The following PRELID2 variants were observed in gnomAD, a reference collection of about 807,000 sequenced individuals.
The protein encoded by PRELID2 is PRELI domain-containing protein 2.
Under a neutral mutation model 28.4 loss-of-function variants are expected in PRELID2, and 25 were observed. That is an observed-to-expected ratio of 0.88 (90% CI 0.64 to 1.23). The LOEUF is 1.23. Among genes scored for constraint, PRELID2 ranks in the 50% most tolerant of loss-of-function variants. The pLI is 0.00. For missense variants in PRELID2, 201 were observed against 214.4 expected, an observed-to-expected ratio of 0.94 and a Z score of 0.39; for synonymous variants, 76 against 71.6, an observed-to-expected ratio of 1.06 and a Z score of -0.31.
chr5:145,229,207 G>C, the PRELID2 span: 44 of 819,456 alleles, frequency 5.4e-5, no homozygotes, highest in South Asian at 5.7e-4. Flanking sequence ...GAGCTCATCT[G>C]CTACTCGCTG....
intron 1 of PRELID2, among the ~76,000 whole-genome samples, chr5:145,740,625 TATTATATATATAAATATATATATTTTA>T (rs1756655078): frequency 8.1e-5 from 1 of 12,392 alleles, no homozygotes; most frequent in African/African-American, 1.3e-4. Flanking sequence ...AATATATATA[TATTATATATATAAATATATATATTTTA>T]TATATAAATA....
chr5:145,448,816 C>T, the PRELID2 span, among the ~76,000 whole-genome samples: 1 of 152,098 alleles, frequency 6.6e-6, no homozygotes, highest in Non-Finnish European at 1.5e-5. Context: ...TGTCAAGGGT[C>T]ATAGTAACTT....
At chr5:145,723,951 T>TA (rs1756059998) in intron 1 of PRELID2, among the ~76,000 whole-genome samples, 1 of 152,140 alleles carries the variant, frequency 6.6e-6, no homozygotes, top group Non-Finnish European at 1.5e-5. Flanking sequence ...TAAATATCTA[T>TA]ATATAAAAGA....
At chr5:145,747,218 C>G (rs1454900661) in intron 1 of PRELID2, among the ~76,000 whole-genome samples, 1 of 148,468 alleles carries the variant, frequency 6.7e-6, no homozygotes, top group African/African-American at 2.5e-5. Context: ...CATCAAAAAC[C>G]CTCTAAAAAA....
chr5:145,380,126 T>C, the PRELID2 span, among the ~76,000 whole-genome samples: 3 of 152,148 alleles, frequency 2.0e-5, no homozygotes, highest in South Asian at 6.2e-4. Flanking sequence ...TCTAGGCTGC[T>C]CTCCCTGCTA....
the PRELID2 span, among the ~76,000 whole-genome samples, chr5:145,350,287 C>T: frequency 3.9e-5 from 6 of 152,138 alleles, no homozygotes; most frequent in African/African-American, 1.4e-4. Flanking sequence ...CATAGACTAT[C>T]AGTCTAGATG....
intron 1 of PRELID2, among the ~76,000 whole-genome samples, chr5:145,573,872 A>G (rs1404451399): frequency 1.3e-5 from 2 of 152,162 alleles, no homozygotes; most frequent in African/African-American, 2.4e-5. Context: ...TTTGCCTCCA[A>G]GAAAAGAGGA....
chr5:145,832,000 G>A (rs387269), intron 1 of PRELID2, among the ~76,000 whole-genome samples: 108,085 of 151,960 alleles, frequency 0.71, 39,691 homozygotes, highest in Non-Finnish European at 0.82. Flanking sequence ...GGTTTAAGTC[G>A]CTACGTTTTG....
intron 1 of PRELID2, among the ~76,000 whole-genome samples, chr5:145,743,645 C>A (rs1191330454): frequency 6.6e-6 from 1 of 152,020 alleles, no homozygotes; most frequent in African/African-American, 2.4e-5. Context: ...TGCTACCCAG[C>A]GTGGAAACCG....
the PRELID2 span, among the ~76,000 whole-genome samples, chr5:145,406,283 A>G: frequency 6.6e-6 from 1 of 152,210 alleles, no homozygotes; most frequent in Admixed American, 6.5e-5. Flanking sequence ...CAGAGTACCC[A>G]TGAAGTTAGT....
In PRELID2 at chr5:145,785,925, C is replaced by T. The variant is rs369089820; in HGVS notation, c.474+10517G>A. On this transcript the variant is annotated intron_variant, in intron 5 of 6. Coordinates refer to ENST00000683046, the MANE Select transcript of PRELID2 (RefSeq NM_205846.3). ...ATGCTCTCTATAAAATAGCTGAATCCTGCCTTTGGAATATTGTCTGCTGTG... is the reference window on the plus strand; with the variant it reads ...ATGCTCTCTATAAAATAGCTGAATCTTGCCTTTGGAATATTGTCTGCTGTG... 4.6e-5 allele frequency among the ~76,000 whole-genome samples: 7 copies of T among 152,280 alleles called. No individual in the cohort carries two copies. The South Asian group carries it at 1.2e-3, about 27-fold the overall frequency.
chr5:145,430,928 A>C, the PRELID2 span, among the ~76,000 whole-genome samples: 1 of 150,438 alleles, frequency 6.6e-6, no homozygotes, highest in Admixed American at 6.6e-5. Context: ...TCACTGGAGG[A>C]ATTTTTTAAA....
intron 5 of PRELID2, among the ~76,000 whole-genome samples, chr5:145,789,746 A>G (rs1752242053): frequency 1.3e-5 from 2 of 152,234 alleles, no homozygotes; most frequent in African/African-American, 4.8e-5. Context: ...CACACATCTG[A>G]TATGGGGTTA....
chr5:145,835,109 G>T, intron 1 of PRELID2, 68 bp downstream of exon 1: 2 of 1,102,904 alleles, frequency 1.8e-6, no homozygotes, highest in Non-Finnish European at 2.7e-6. Context: ...CCGCGTGGAT[G>T]AAGGAGAGGA....
At chr5:145,613,583 C>A (rs965155158) in intron 1 of PRELID2, among the ~76,000 whole-genome samples, 14 of 151,828 alleles carry the variant, frequency 9.2e-5, no homozygotes, top group Non-Finnish European at 1.6e-4. Context: ...ACCGCATGTT[C>A]TCACTCACAG....
chr5:145,728,073 G>C (rs1389230105), intron 1 of PRELID2, among the ~76,000 whole-genome samples: 1 of 152,108 alleles, frequency 6.6e-6, no homozygotes, highest in East Asian at 1.9e-4. Context: ...ATTCCTGTCT[G>C]TCCCTGCAAA....
intron 1 of PRELID2, among the ~76,000 whole-genome samples, chr5:145,624,052 G>C (rs1401429137): frequency 6.6e-6 from 1 of 152,058 alleles, no homozygotes; most frequent in Non-Finnish European, 1.5e-5. Context: ...AATAACTCAC[G>C]AATGTGCTTT....
At chr5:145,700,403 C>A (rs1276433791) in intron 1 of PRELID2, among the ~76,000 whole-genome samples, 2 of 152,022 alleles carry the variant, frequency 1.3e-5, no homozygotes, top group African/African-American at 4.8e-5. Context: ...CCACTCTCAA[C>A]ATGGAAGATT....
At chr5:145,560,851 A>T (rs1752919651) in intron 1 of PRELID2, among the ~76,000 whole-genome samples, 1 of 152,182 alleles carries the variant, frequency 6.6e-6, no homozygotes, top group Non-Finnish European at 1.5e-5. Context: ...ACTTGTTTAC[A>T]ATCCATCTGG....
Sources: allele counts gnomAD v4.1 joint callset (sites outside exome capture counted in the v4.1 genomes callset), GRCh38; gene constraint gnomAD v4.1.1; transcripts MANE v1.5; gene names NCBI Gene and HGNC (gene_info 2026-07-23, HGNC 2026-07-21).